The following KCNJ4 variants were observed in gnomAD, a reference collection of about 807,000 sequenced individuals.
KCNJ4 encodes the protein potassium inwardly rectifying channel subfamily J member 4.
KCNJ4 carries 3 observed loss-of-function variants against 25.6 expected under a neutral mutation model. The observed-to-expected ratio is 0.12, with a 90% CI of 0.05 to 0.30. The LOEUF (loss-of-function observed/expected upper bound fraction) is 0.30, where lower values mean the gene tolerates loss of function less well. KCNJ4 is among the 10% of genes least tolerant of loss of function. The probability of loss-of-function intolerance (pLI) is 1.00; values close to 1 mark genes in which losing one functional copy is unlikely to be tolerated. For missense variants in KCNJ4, 286 were observed against 666.8 expected (o/e 0.43, Z 6.29); for synonymous variants, 257 against 283.9 (o/e 0.91, Z 0.95).
At chr22:38,445,986 G>A (rs1205948387) in intron 1 of KCNJ4, among the ~76,000 whole-genome samples, 2 of 152,150 alleles carry the variant, frequency 1.3e-5, no homozygotes, top group Non-Finnish European at 2.9e-5. Context: ...TCACAGGACC[G>A]CCACTCTGCA....
chr22:38,444,331 T>C (rs981501106), intron 1 of KCNJ4, among the ~76,000 whole-genome samples: 3 of 152,180 alleles, frequency 2.0e-5, no homozygotes, highest in East Asian at 1.9e-4. Context: ...ATGTGACACA[T>C]TGTGACCAAG....
chr22:38,427,540 C>T lies in KCNJ4; in HGVS notation c.593G>A (p.Gly198Asp). ...SHHAVISVRD[G>D]KLCLMWRVGN... ...CACGCGCCACATGAGGCAGAGCTTG[C>T]CGTCGCGCACCGAAATGACCGCGTG... Residue 198 changes from glycine to aspartate, a missense_variant, in exon 2 of 2, where the codon GGC becomes GAC. By Grantham distance (94) the Gly-to-Asp change is moderately conservative. Around this residue, in one of 11 missense-constraint regions of KCNJ4, gnomAD observed 15 missense variants for 29.9 expected, o/e 0.50. Coordinates refer to ENST00000303592, the MANE Select transcript of KCNJ4 (RefSeq NM_152868.3). The T allele has an allele frequency of 6.2e-7, 1 of 1,611,296 alleles. No individual in the cohort carries two copies. The highest frequency in any genetic ancestry group is 1.1e-5 in the South Asian group (1 of 91,044).
chr22:38,439,960 G>A (rs1013566170), intron 1 of KCNJ4, among the ~76,000 whole-genome samples: 2 of 150,146 alleles, frequency 1.3e-5, no homozygotes, highest in East Asian at 2.0e-4. Flanking sequence ...GCATGGTGGC[G>A]GGCACCTGCA....
At chr22:38,444,455 G>A (rs1400765411) in intron 1 of KCNJ4, among the ~76,000 whole-genome samples, 3 of 152,242 alleles carry the variant, frequency 2.0e-5, no homozygotes, top group African/African-American at 7.2e-5. Flanking sequence ...GCCATGAGCA[G>A]AGGGGACAGA....
intron 1 of KCNJ4, among the ~76,000 whole-genome samples, chr22:38,447,022 A>G (rs1319039444): frequency 1.3e-5 from 2 of 151,544 alleles, no homozygotes; most frequent in African/African-American, 4.9e-5. Flanking sequence ...AGGCTCAGAG[A>G]GGTGAAAAAC....
chr22:38,441,429 A>G (rs11912161), intron 1 of KCNJ4, among the ~76,000 whole-genome samples: 25 of 151,892 alleles, frequency 1.6e-4, no homozygotes, highest in African/African-American at 6.0e-4. Context: ...GCACTCCAGC[A>G]TGGGTGGGGC....
intron 1 of KCNJ4, among the ~76,000 whole-genome samples, chr22:38,431,170 GGGGAT>G (rs1875874135): frequency 1.3e-5 from 2 of 152,248 alleles, no homozygotes; most frequent in African/African-American, 4.8e-5. Context: ...CAGGGTTCCA[GGGGAT>G]CCCTGGTTCT....
intron 1 of KCNJ4, among the ~76,000 whole-genome samples, chr22:38,436,484 C>T (rs558776693): frequency 8.5e-5 from 13 of 152,298 alleles, no homozygotes; most frequent in South Asian, 2.1e-4. Context: ...CTCTGAGCCT[C>T]GGTATCTCCA....
Position 38,427,494 on chromosome 22 carries a change from G to A in KCNJ4, c.639C>T (p.His213=). The A allele has an allele frequency of 2.5e-6, 4 of 1,612,470 alleles. No homozygotes were observed. The South Asian group carries it at 3.3e-5, about 13-fold the overall frequency. Residue 213 remains histidine, a synonymous_variant, in exon 2 of 2, where the codon CAC becomes CAT. Coordinates refer to ENST00000303592, the MANE Select transcript of KCNJ4 (RefSeq NM_152868.3). The part of the protein sequence containing the change: ...MWRVGNLRKS[H]IVEAHVRAQL... ...GGGCCCGCACGTGGGCCTCCACAAT[G>A]TGGCTCTTGCGCAGGTTGCCCACGC...
At chr22:38,434,946 C>G (rs1331958652) in intron 1 of KCNJ4, among the ~76,000 whole-genome samples, 1 of 152,124 alleles carries the variant, frequency 6.6e-6, no homozygotes, top group Non-Finnish European at 1.5e-5. Context: ...AACCACCATG[C>G]GTTATTACAT....
chr22:38,432,503 G>A (rs113329611), intron 1 of KCNJ4, among the ~76,000 whole-genome samples: 2 of 152,224 alleles, frequency 1.3e-5, no homozygotes, highest in African/African-American at 2.4e-5. Flanking sequence ...CCTTGAACAA[G>A]TTCTTCCTCT....
At position 38,447,850 on chromosome 22, in the gene KCNJ4, G is replaced by A. The variant is rs183300377; in HGVS notation, c.-40+7130C>T. 1.1e-3 allele frequency among the ~76,000 whole-genome samples: 168 copies of A among 152,204 alleles called. 1 individual carries two copies. The East Asian group carries it at 0.017, about 16-fold the overall frequency. ...GGAGGCTGAGGCAGGCGGATCACAA[G>A]GTCAGGAGTTCAAGACCAGCCTGAC... On this transcript the variant is annotated intron_variant, in intron 1 of 1. Coordinates refer to ENST00000303592, the MANE Select transcript of KCNJ4 (RefSeq NM_152868.3).
intron 1 of KCNJ4, among the ~76,000 whole-genome samples, chr22:38,451,887 A>G (rs1389971976): frequency 6.6e-6 from 1 of 152,194 alleles, no homozygotes; most frequent in Non-Finnish European, 1.5e-5. Context: ...CAGTGATTTA[A>G]GCTCCAAACC....
intron 1 of KCNJ4, among the ~76,000 whole-genome samples, chr22:38,452,942 T>G (rs998259265): frequency 1.3e-5 from 2 of 151,718 alleles, no homozygotes; most frequent in Non-Finnish European, 2.9e-5. Flanking sequence ...GTTACCATGT[T>G]GCCGGTTGTC....
chr22:38,446,260 C>G (rs773171085), intron 1 of KCNJ4, among the ~76,000 whole-genome samples: 9 of 152,234 alleles, frequency 5.9e-5, no homozygotes, highest in Non-Finnish European at 1.3e-4. Context: ...TCTCAGGGAG[C>G]CGGGACAGCT....
chr22:38,435,636 T>C (rs2093063170), intron 1 of KCNJ4, among the ~76,000 whole-genome samples: 1 of 148,664 alleles, frequency 6.7e-6, no homozygotes, highest in South Asian at 2.1e-4. Context: ...GGGGCTGCAG[T>C]GAGCCAAGAT....
intron 1 of KCNJ4, among the ~76,000 whole-genome samples, chr22:38,452,877 G>A (rs1457727017): frequency 1.3e-4 from 11 of 82,298 alleles, no homozygotes; most frequent in Admixed American, 1.3e-3. Flanking sequence ...AGGCCTACCC[G>A]CCACCCCCAC....
intron 1 of KCNJ4, among the ~76,000 whole-genome samples, chr22:38,445,825 T>G (rs983285971): frequency 6.6e-6 from 1 of 151,894 alleles, no homozygotes; most frequent in Non-Finnish European, 1.5e-5. Context: ...CTGGCCTGAG[T>G]GGGGGTTAGG....
intron 1 of KCNJ4, among the ~76,000 whole-genome samples, chr22:38,452,636 G>A (rs1323798571): frequency 6.6e-6 from 1 of 152,174 alleles, no homozygotes; most frequent in Non-Finnish European, 1.5e-5. Context: ...GATTGCGTGA[G>A]CCAAATTTGG....
Sources: allele counts gnomAD v4.1 joint callset (sites outside exome capture counted in the v4.1 genomes callset), GRCh38; gene constraint gnomAD v4.1.1; regional missense constraint gnomAD v4.1.1; transcripts MANE v1.5; gene names NCBI Gene and HGNC (gene_info 2026-07-23, HGNC 2026-07-21).